SPOPL: variants seen among roughly 807,000 people sequenced by gnomAD.
SPOPL encodes speckle-type POZ protein-like.
A neutral mutation model predicts 53.8 loss-of-function variants in SPOPL; 23 were observed. That is an observed-to-expected ratio of 0.43 (90% confidence interval 0.31 to 0.61). The LOEUF is 0.61. Among genes scored for constraint, SPOPL ranks in the 20% least tolerant of loss-of-function variants. The pLI, the probability that SPOPL is intolerant of heterozygous loss-of-function variation, is 0.12. For synonymous variants in SPOPL, 164 were observed against 149.7 expected, an observed-to-expected ratio of 1.10 and a Z score of -0.70; for missense variants, 442 against 466.9, an observed-to-expected ratio of 0.95 and a Z score of 0.49.
intron 7 of SPOPL, among the ~76,000 whole-genome samples, chr2:138,559,692 A>G (rs79515629): frequency 0.011 from 1,652 of 152,282 alleles, 33 homozygotes; most frequent in African/African-American, 0.037. Flanking sequence ...GATTTTTGGA[A>G]TCTGTTTTCT....
intron 1 of SPOPL, among the ~76,000 whole-genome samples, chr2:138,533,751 T>C (rs949510052): frequency 6.6e-6 from 1 of 152,122 alleles, no homozygotes; most frequent in African/African-American, 2.4e-5. Context: ...CAGTATTTTG[T>C]TATAACATCC....
chr2:138,552,431 G>C, intron 4 of SPOPL, 123 bp from the exon 5 acceptor site: 1 of 1,153,310 alleles, frequency 8.7e-7, no homozygotes, highest in East Asian at 2.7e-5. Context: ...ACAAATATCG[G>C]TAACTTTTAT....
chr2:138,555,112 GGTT>G (rs1321386339), intron 5 of SPOPL, among the ~76,000 whole-genome samples: 1 of 148,078 alleles, frequency 6.8e-6, no homozygotes, highest in Non-Finnish European at 1.5e-5. Context: ...GAAGAGTGGG[GGTT>G]GTTGGAGGGT....
chr2:138,566,016 G>A (rs1445023515), intron 10 of SPOPL, among the ~76,000 whole-genome samples: 1 of 152,110 alleles, frequency 6.6e-6, no homozygotes, highest in Admixed American at 6.5e-5. Context: ...TTACAGAAGT[G>A]AGCCACCGTG....
chr2:138,545,686 A>C (rs980034981), intron 1 of SPOPL, among the ~76,000 whole-genome samples: 51 of 151,498 alleles, frequency 3.4e-4, no homozygotes, highest in African/African-American at 1.1e-3. Context: ...TGATCCGCCC[A>C]CCTCGGCCTC....
chr2:138,527,310 T>G (rs1416768174), intron 1 of SPOPL, among the ~76,000 whole-genome samples: 3 of 152,186 alleles, frequency 2.0e-5, no homozygotes, highest in African/African-American at 7.2e-5. Flanking sequence ...TCTCCGTTGT[T>G]CCTAGTCTTA....
At chr2:138,564,488 C>A (rs1037503210) in intron 8 of SPOPL, 1 of 477,856 alleles carries the variant, frequency 2.1e-6, no homozygotes, top group Non-Finnish European at 3.6e-6. Context: ...TTCAAAAATA[C>A]GCTTATGCAA....
chr2:138,559,358 A>C (rs746338146), intron 7 of SPOPL, 21 bp downstream of exon 7: 1 of 1,592,804 alleles, frequency 6.3e-7, no homozygotes, highest in Admixed American at 1.8e-5. Flanking sequence ...CTTAAAGGCT[A>C]ATATTGAATT....
intron 1 of SPOPL, among the ~76,000 whole-genome samples, chr2:138,537,348 G>A (rs1684958854): frequency 6.6e-6 from 1 of 152,054 alleles, no homozygotes; most frequent in South Asian, 2.1e-4. Context: ...GAGCAAGCAG[G>A]GGATACATGA....
At chr2:138,547,478 G>A (rs895057326) in intron 1 of SPOPL, among the ~76,000 whole-genome samples, 11 of 151,914 alleles carry the variant, frequency 7.2e-5, no homozygotes, top group African/African-American at 2.7e-4. Flanking sequence ...AAAGCTTAAA[G>A]ATTCAGGTTA....
chr2:138,550,207 T>C lies in SPOPL; in HGVS notation c.-10T>C, dbSNP rs879274677. 3.1e-6 allele frequency: 5 copies of C among 1,612,718 alleles called. No homozygotes were observed. The highest frequency in any genetic ancestry group is 4.2e-6 in the Non-Finnish European group (5 of 1,179,158). On this transcript the variant is annotated 5_prime_UTR_variant, in exon 2 of 11. Transcript: ENST00000280098. ...CTACATAAATCCTGAAAGACTACAA[T>C]AAAGTGGTGATGTCTCGGGAACCCA...
At chr2:138,544,477 T>C (rs1685146861) in intron 1 of SPOPL, among the ~76,000 whole-genome samples, 1 of 152,206 alleles carries the variant, frequency 6.6e-6, no homozygotes, top group Non-Finnish European at 1.5e-5. Flanking sequence ...CAGTTTGATC[T>C]CAGACTGCTG....
intron 10 of SPOPL, 29 bp from the exon 11 acceptor site, chr2:138,568,907 A>C (rs1266182230): frequency 1.2e-6 from 2 of 1,610,400 alleles, no homozygotes; most frequent in African/African-American, 2.7e-5. Context: ...AGTATTCTTT[A>C]GTAAATATCT....
At chr2:138,540,367 C>T (rs1371228786) in intron 1 of SPOPL, among the ~76,000 whole-genome samples, 1 of 152,180 alleles carries the variant, frequency 6.6e-6, no homozygotes, top group African/African-American at 2.4e-5. Context: ...ACTGATTCTT[C>T]CTACCCATGA....
chr2:138,561,003 A>G, intron 8 of SPOPL, 76 bp downstream of exon 8: 1 of 1,505,080 alleles, frequency 6.6e-7, no homozygotes, highest in East Asian at 2.4e-5. Context: ...TCAAATGAAA[A>G]CTCCAAATAA....
In SPOPL at chr2:138,559,125, A is replaced by G; in HGVS notation, c.584A>G (p.Glu195Gly). ...RLAEDLGNLW[E>G]NTRFTDCSFF... ...GCAGAAGATTTAGGTAATCTCTGGG[A>G]AAACACAAGATTTACAGACTGCAGT... Residue 195 changes from glutamate to glycine, a missense_variant, in exon 6 of 11, where the codon GAA becomes GGA. Glu to Gly is a moderately conservative substitution (Grantham distance 98). Transcript: ENST00000280098. 2 of 1,613,908 alleles carry G rather than the reference A, an allele frequency of 1.2e-6. No homozygotes were observed. The highest frequency in any genetic ancestry group is 1.7e-6 in the Non-Finnish European group (2 of 1,179,886).
intron 1 of SPOPL, among the ~76,000 whole-genome samples, chr2:138,529,472 GTA>G (rs1346508929): frequency 3.3e-5 from 5 of 150,526 alleles, no homozygotes; most frequent in Non-Finnish European, 7.4e-5. Context: ...GTTTGTGTAG[GTA>G]TGTGTGTGTG....
In SPOPL at chr2:138,550,614, T is replaced by C; in HGVS notation, c.200+10T>C. 1 of 1,585,076 alleles carries C rather than the reference T, an allele frequency of 6.3e-7. No individual in the cohort carries two copies. The highest frequency in any genetic ancestry group is 8.6e-7 in the Non-Finnish European group (1 of 1,164,454). ...GTGACAAAATGAAATGGTAAGATTT[T>C]TGTTTGCTTTGAATTTTTGTTTTTT... On this transcript the variant is annotated intron_variant, in intron 3 of 10. Coordinates refer to ENST00000280098, the MANE Select transcript of SPOPL (RefSeq NM_001001664.3).
chr2:138,567,371 TAGTGTGTG>T (rs1294379893), intron 10 of SPOPL, among the ~76,000 whole-genome samples: 1 of 109,492 alleles, frequency 9.1e-6, no homozygotes, highest in Non-Finnish European at 1.9e-5. Context: ...AAGAGCAGTA[TAGTGTGTG>T]TGTGTGTGTG....
Sources: allele counts gnomAD v4.1 joint callset (sites outside exome capture counted in the v4.1 genomes callset), GRCh38; gene constraint gnomAD v4.1.1; transcripts MANE v1.5; gene names NCBI Gene and HGNC (gene_info 2026-07-23, HGNC 2026-07-21).